Variants in SPAG16 observed in about 807,000 individuals in gnomAD.
The protein encoded by SPAG16 is sperm-associated antigen 16 protein.
Under a neutral mutation model 80.4 loss-of-function variants are expected in SPAG16, and 86 were observed. The observed-to-expected ratio is 1.07, with a 90% CI of 0.90 to 1.28. SPAG16 has a LOEUF of 1.28. Ranked by LOEUF, SPAG16 falls within the 50% of genes most tolerant of loss-of-function variation. SPAG16 has a pLI of 0.00. For missense variants in SPAG16, 870 were observed against 765.3 expected, an observed-to-expected ratio of 1.14 and a Z score of -1.61; for synonymous variants, 294 against 265.9, an observed-to-expected ratio of 1.11 and a Z score of -1.03.
chr2:213,402,261 A>G (rs1162035150), intron 9 of SPAG16, among the ~76,000 whole-genome samples: 1 of 151,978 alleles, frequency 6.6e-6, no homozygotes, highest in Non-Finnish European at 1.5e-5. Flanking sequence ...ATTGCAGTAA[A>G]TATTTCCTTT....
At chr2:213,879,045 G>C (rs1277956259) in intron 11 of SPAG16, among the ~76,000 whole-genome samples, 1 of 151,936 alleles carries the variant, frequency 6.6e-6, no homozygotes, top group African/African-American at 2.4e-5. Flanking sequence ...TGTTTTGGTT[G>C]CTGTAGCTTT....
chr2:213,894,943 C>T (rs1240229435), intron 11 of SPAG16, among the ~76,000 whole-genome samples: 3 of 119,594 alleles, frequency 2.5e-5, no homozygotes, highest in South Asian at 5.7e-4. Context: ...GAGCTGAGAT[C>T]GTGCCATTGC....
chr2:214,333,813 C>A (rs1255686754), intron 15 of SPAG16, among the ~76,000 whole-genome samples: 1 of 152,080 alleles, frequency 6.6e-6, no homozygotes, highest in African/African-American at 2.4e-5. Flanking sequence ...AAAATGAGAC[C>A]CAAAGAATTG....
At chr2:213,872,427 A>G (rs571787937) in intron 11 of SPAG16, among the ~76,000 whole-genome samples, 7 of 152,288 alleles carry the variant, frequency 4.6e-5, no homozygotes, top group African/African-American at 1.7e-4. Context: ...AGTTTTCTAT[A>G]CTAACCTCCT....
intron 10 of SPAG16, among the ~76,000 whole-genome samples, chr2:213,823,987 C>G (rs1460792940): frequency 6.6e-6 from 1 of 152,146 alleles, no homozygotes; most frequent in Non-Finnish European, 1.5e-5. Flanking sequence ...AGTCTTTGCC[C>G]ATGCCTATGT....
chr2:213,411,737 G>A (rs1381762190), intron 9 of SPAG16, among the ~76,000 whole-genome samples: 1 of 152,088 alleles, frequency 6.6e-6, no homozygotes, highest in African/African-American at 2.4e-5. Context: ...CGTAATAGGT[G>A]TACTTATTCT....
Position 213,958,223 on chromosome 2 carries a change from G to C in SPAG16, c.1400+28078G>C, listed in dbSNP as rs910939125. ...CTAACTGATGGGTTTAGAGCAAGCA[G>C]GCACAAGTTCCGTGGAGTCTGTGAC... On this transcript the variant is annotated intron_variant, in intron 12 of 15. Coordinates refer to ENST00000331683, the MANE Select transcript of SPAG16 (RefSeq NM_024532.5). Among the ~76,000 whole-genome samples, 8 of 152,168 alleles carry C rather than the reference G, an allele frequency of 5.3e-5. No individual in the cohort carries two copies. In the East Asian group the frequency reaches 1.5e-3, roughly 29 times the overall value.
intron 15 of SPAG16, chr2:214,241,486 C>T (rs1689479740): frequency 6.6e-6 from 1 of 152,120 alleles, no homozygotes; most frequent in South Asian, 2.1e-4. Context: ...ATCCATTTTC[C>T]CAGCATCTTT....
chr2:213,763,575 G>T (rs927246507), intron 10 of SPAG16, among the ~76,000 whole-genome samples: 31 of 152,032 alleles, frequency 2.0e-4, no homozygotes, highest in African/African-American at 7.0e-4. Context: ...ACATTAAAAA[G>T]TTCTAGGTAT....
intron 10 of SPAG16, among the ~76,000 whole-genome samples, chr2:213,859,993 T>TTGATGATGATGATGATGATGA (rs112613257): frequency 0.011 from 1,713 of 150,654 alleles, 23 homozygotes; most frequent in South Asian, 0.025. Flanking sequence ...TTACCATTAG[T>TTGATGATGATGATGATGATGA]TGATGATGAT....
intron 15 of SPAG16, among the ~76,000 whole-genome samples, chr2:214,232,593 G>C (rs1688775934): frequency 1.3e-5 from 2 of 151,830 alleles, no homozygotes. Context: ...GAGTCGGGGG[G>C]GGCTCAGATT....
At chr2:213,629,334 G>T (rs929144938) in intron 10 of SPAG16, among the ~76,000 whole-genome samples, 1 of 152,150 alleles carries the variant, frequency 6.6e-6, no homozygotes, top group Non-Finnish European at 1.5e-5. Flanking sequence ...CCAACCCACA[G>T]TTCTAGCTGA....
At chr2:214,037,911 G>C (rs1471383029) in intron 13 of SPAG16, among the ~76,000 whole-genome samples, 1 of 145,086 alleles carries the variant, frequency 6.9e-6, no homozygotes, top group African/African-American at 2.5e-5. Context: ...GTGTGTGTGT[G>C]TGTATCCAAG....
intron 6 of SPAG16, among the ~76,000 whole-genome samples, chr2:213,347,272 CTCTTT>C (rs2065051648): frequency 1.3e-5 from 2 of 151,992 alleles, no homozygotes; most frequent in African/African-American, 4.8e-5. Context: ...TGATTCTTCT[CTCTTT>C]TCTTCTTTAT....
intron 7 of SPAG16, among the ~76,000 whole-genome samples, chr2:213,362,519 A>G (rs917221984): frequency 6.6e-6 from 1 of 152,218 alleles, no homozygotes; most frequent in African/African-American, 2.4e-5. Flanking sequence ...TCATGTAACC[A>G]AAGGATCAAG....
intron 10 of SPAG16, among the ~76,000 whole-genome samples, chr2:213,524,171 G>C (rs2075792534): frequency 6.6e-6 from 1 of 152,206 alleles, no homozygotes; most frequent in Non-Finnish European, 1.5e-5. Context: ...AGAACCCAAG[G>C]TAAAGCTCAG....
rs1576354150 is a variant in SPAG16 at position 214,149,390 on chromosome 2, A to T, written c.1720+124A>T. On this transcript the variant is annotated intron_variant, in intron 15 of 15. Coordinates refer to ENST00000331683, the MANE Select transcript of SPAG16 (RefSeq NM_024532.5). ...AAATGTCTGTTCTTAATATTACATT[A>T]TATTACATTACATTAAGATATATTT... 3 of 823,272 alleles carry T rather than the reference A, an allele frequency of 3.6e-6. No homozygotes were observed. The East Asian group carries it at 1.5e-4, about 40-fold the overall frequency. 51.0% of individuals were successfully genotyped at this position (823,272 alleles called of 1,614,324 possible).
At chr2:214,190,610 A>T (rs1338647223) in intron 15 of SPAG16, among the ~76,000 whole-genome samples, 1 of 152,088 alleles carries the variant, frequency 6.6e-6, no homozygotes, top group African/African-American at 2.4e-5. Flanking sequence ...TCTGCCTCAA[A>T]TTCATATGTT....
intron 15 of SPAG16, among the ~76,000 whole-genome samples, chr2:214,203,811 G>C (rs1235776193): frequency 2.0e-5 from 3 of 152,198 alleles, no homozygotes; most frequent in African/African-American, 7.2e-5. Context: ...AAAGTTTCCT[G>C]GACGGAACCT....
Sources: allele counts gnomAD v4.1 joint callset (sites outside exome capture counted in the v4.1 genomes callset), GRCh38; gene constraint gnomAD v4.1.1; transcripts MANE v1.5; gene names NCBI Gene and HGNC (gene_info 2026-07-23, HGNC 2026-07-21).